The following ARMC7 variants were observed in gnomAD, a reference collection of about 807,000 sequenced individuals.
The protein encoded by ARMC7 is armadillo repeat containing 7, also known as armadillo repeat-containing protein 7.
In ARMC7, 9 loss-of-function variants were observed where a neutral mutation model predicts 14.8. The ratio of observed to expected loss-of-function variants is 0.61; its 90% CI spans 0.37 to 1.06. ARMC7 has a LOEUF of 1.06. Ranked by LOEUF, ARMC7 falls within the 50% of genes least tolerant of loss-of-function variation. ARMC7 has a pLI of 0.01. For synonymous variants in ARMC7, 125 were observed against 123.4 expected (o/e 1.01, Z -0.09); for missense variants, 262 against 267.1 (o/e 0.98, Z 0.13).
In ARMC7 at chr17:75,109,994, G is replaced by A. The variant is rs1041408396; in HGVS notation, c.-295G>A. 2.6e-5 allele frequency: 9 copies of A among 340,576 alleles called. No homozygotes were observed. Among genetic ancestry groups the A allele is most frequent in the Admixed American group, 4.6e-5 (1 of 21,808 alleles). The allele number at this position is 340,576 out of a possible 1,614,324, so 21.1% of individuals were successfully genotyped here. ...GGAACCGAGCCCAGGAGCCGGGGAC[G>A]GTGCGCCAGTGCCCCCTCCGCGAGC... On this transcript the variant is annotated 5_prime_UTR_variant, in exon 1 of 3. Transcript: ENST00000245543. The surrounding 1 kb of genome is among the most constrained non-coding windows in gnomAD (Gnocchi z 5.0).
At chr17:75,122,257 T>C (rs1307758922) in intron 2 of ARMC7, among the ~76,000 whole-genome samples, 1 of 151,634 alleles carries the variant, frequency 6.6e-6, no homozygotes, top group Non-Finnish European at 1.5e-5. Context: ...ACCCCGGAGG[T>C]GGAGGATGCA....
At position 75,129,080 on chromosome 17, in the gene ARMC7, A is replaced by C; in HGVS notation, c.*42A>C. On this transcript the variant is annotated 3_prime_UTR_variant, in exon 3 of 3. Coordinates refer to ENST00000245543, the MANE Select transcript of ARMC7 (RefSeq NM_024585.4). Reference sequence around the variant, plus strand: ...GACCGTGGCACCCCTACTGCTGGAGACCACAGTCCTGATGTGGACGCAGGG... The same window carrying C: ...GACCGTGGCACCCCTACTGCTGGAGCCCACAGTCCTGATGTGGACGCAGGG... The C allele has an allele frequency of 6.4e-7, 1 of 1,556,342 alleles. No individual in the cohort carries two copies. The highest frequency in any genetic ancestry group is 8.6e-7 in the Non-Finnish European group (1 of 1,157,144).
intron 2 of ARMC7, among the ~76,000 whole-genome samples, chr17:75,121,483 G>A (rs370165879): frequency 2.0e-4 from 31 of 152,242 alleles, no homozygotes; most frequent in South Asian, 1.2e-3. Context: ...GCACAATCTC[G>A]TCTTGCTGCA....
At chr17:75,117,008 G>A (rs561541682) in intron 2 of ARMC7, among the ~76,000 whole-genome samples, 68 of 152,266 alleles carry the variant, frequency 4.5e-4, no homozygotes, top group African/African-American at 6.0e-4. Flanking sequence ...AAATGGATTC[G>A]CTCACCCTGC....
chr17:75,114,707 T>C (rs953996494), intron 2 of ARMC7: 2 of 398,364 alleles, frequency 5.0e-6, no homozygotes, highest in Non-Finnish European at 8.8e-6. Flanking sequence ...CTCCTTTTTT[T>C]CTCTTCCTTC....
At chr17:75,125,976 G>A (rs2074048608) in intron 2 of ARMC7, among the ~76,000 whole-genome samples, 2 of 152,198 alleles carry the variant, frequency 1.3e-5, no homozygotes, top group Non-Finnish European at 2.9e-5. Context: ...GGCACCATGG[G>A]CACCTGTCCC....
chr17:75,110,540 C>A lies in ARMC7; in HGVS notation c.169C>A (p.Gln57Lys). Residue 57 changes from glutamine (Q) to lysine (K), a missense_variant, in exon 2 of 3, where the codon CAG becomes AAG. By Grantham distance (53) the Gln-to-Lys change is moderately conservative. Transcript: ENST00000245543. ...CAACTACGAGTATCTGCGGCAGCTG[C>A]AGGTCCTGGATTTATTTCTCGATTC... ...PSNYEYLRQL[Q>K]VLDLFLDSLS... The A allele has an allele frequency of 6.2e-7, 1 of 1,614,262 alleles. No individual in the cohort carries two copies. Among genetic ancestry groups the A allele is most frequent in the Non-Finnish European group, 8.5e-7 (1 of 1,180,044 alleles).
chr17:75,116,813 C>T (rs2073976338), intron 2 of ARMC7, among the ~76,000 whole-genome samples: 1 of 152,210 alleles, frequency 6.6e-6, no homozygotes, highest in South Asian at 2.1e-4. Context: ...CAGACAGCTG[C>T]CCCTCGTCTG....
intron 2 of ARMC7, among the ~76,000 whole-genome samples, chr17:75,115,315 G>A (rs1485083635): frequency 1.3e-5 from 2 of 152,130 alleles, no homozygotes; most frequent in Non-Finnish European, 2.9e-5. Context: ...CGAGGGGGGT[G>A]GATCACTTGA....
chr17:75,121,451 C>T (rs1280660808), intron 2 of ARMC7, among the ~76,000 whole-genome samples: 7 of 152,154 alleles, frequency 4.6e-5, no homozygotes, highest in African/African-American at 9.7e-5. Flanking sequence ...CTCGCTCTGT[C>T]GCCTACGCTG....
Position 75,110,234 on chromosome 17 carries a change from C to G in ARMC7, c.-55C>G, listed in dbSNP as rs2073898825. On this transcript the variant is annotated 5_prime_UTR_variant, in exon 1 of 3. Transcript: ENST00000245543. Reference sequence around the variant, plus strand: ...GGTGAGGGTCTCGCTCGGCTTTCCCCCTGCACCTTTCCCACCCTCCCGCCC... The same window carrying G: ...GGTGAGGGTCTCGCTCGGCTTTCCCGCTGCACCTTTCCCACCCTCCCGCCC... The G allele has an allele frequency of 1.3e-6, 2 of 1,512,022 alleles. No individual in the cohort carries two copies. Among genetic ancestry groups the G allele is most frequent in the South Asian group, 1.2e-5 (1 of 80,060 alleles). 93.7% of individuals were successfully genotyped at this position (1,512,022 alleles called of 1,614,324 possible).
chr17:75,117,386 G>A (rs1020668862), intron 2 of ARMC7, among the ~76,000 whole-genome samples: 2 of 152,104 alleles, frequency 1.3e-5, no homozygotes, highest in African/African-American at 4.8e-5. Flanking sequence ...CAAAAGTGAG[G>A]CCTTTATTGT....
In ARMC7 at chr17:75,129,237, A is replaced by C; in HGVS notation, c.*199A>C. 1 of 745,978 alleles carries C rather than the reference A, an allele frequency of 1.3e-6. No homozygotes were observed. Among genetic ancestry groups the C allele is most frequent in the Admixed American group, 3.1e-5 (1 of 32,786 alleles). The allele number at this position is 745,978 out of a possible 1,614,324, so 46.2% of individuals were successfully genotyped here. A position where few individuals can be genotyped will look rare whatever the true frequency, so the allele number is the denominator to read the frequency against. ...AAGCCAGACTCCAGAGACACGGAGA[A>C]GATCAAACTGGAGCTGCGTTCATAG... On this transcript the variant is annotated 3_prime_UTR_variant, in exon 3 of 3. Coordinates refer to ENST00000245543, the MANE Select transcript of ARMC7 (RefSeq NM_024585.4).
intron 2 of ARMC7, among the ~76,000 whole-genome samples, chr17:75,126,182 A>G (rs1314069197): frequency 6.6e-6 from 1 of 152,184 alleles, no homozygotes; most frequent in Admixed American, 6.6e-5. Flanking sequence ...GGGTACCGTG[A>G]TGACAGGAAG....
chr17:75,111,616 G>A (rs1186634560), intron 2 of ARMC7, among the ~76,000 whole-genome samples: 3 of 151,484 alleles, frequency 2.0e-5, no homozygotes, highest in African/African-American at 7.3e-5. Context: ...GTCTGGCGTG[G>A]TGTCCCAGCT....
chr17:75,113,960 T>A (rs1181910085), intron 2 of ARMC7, among the ~76,000 whole-genome samples: 2 of 152,184 alleles, frequency 1.3e-5, no homozygotes, highest in Non-Finnish European at 1.5e-5. Context: ...AGGACGGCTG[T>A]GGGCTTTGGG....
intron 2 of ARMC7, among the ~76,000 whole-genome samples, chr17:75,117,130 G>C (rs968027059): frequency 1.3e-5 from 2 of 152,154 alleles, no homozygotes; most frequent in African/African-American, 4.8e-5. Flanking sequence ...AGGTTGGAGT[G>C]CAATGGTGCA....
At chr17:75,127,590 G>A (rs1460011458) in intron 2 of ARMC7, among the ~76,000 whole-genome samples, 2 of 151,886 alleles carry the variant, frequency 1.3e-5, no homozygotes, top group Admixed American at 6.6e-5. Context: ...GTGAGCCACC[G>A]CTCCCAGCCA....
intron 2 of ARMC7, among the ~76,000 whole-genome samples, chr17:75,111,050 G>A (rs2073918317): frequency 6.6e-6 from 1 of 151,966 alleles, no homozygotes; most frequent in Non-Finnish European, 1.5e-5. Context: ...GCTTGAGTCT[G>A]GGAGGCAGAG....
Sources: gnomAD v4.1 joint callset for allele counts (sites outside exome capture counted in the v4.1 genomes callset) on GRCh38, gnomAD v4.1.1 for gene constraint, Gnocchi (gnomAD v3.1) non-coding constraint, MANE v1.5 for transcripts, NCBI Gene and HGNC (gene_info 2026-07-23, HGNC 2026-07-21) for gene names.